DLGAP4: variants seen among roughly 807,000 people sequenced by gnomAD.
The protein encoded by DLGAP4 is DLG associated protein 4.
In DLGAP4, 18 loss-of-function variants were observed where a neutral mutation model predicts 86.9. The observed-to-expected ratio is 0.21, with a 90% CI of 0.14 to 0.31. The LOEUF (loss-of-function observed/expected upper bound fraction) is 0.31. DLGAP4 is among the 10% of genes least tolerant of loss of function. The pLI, the probability that DLGAP4 is intolerant of heterozygous loss-of-function variation, is 1.00. For synonymous variants in DLGAP4, 548 were observed against 574.3 expected, an observed-to-expected ratio of 0.95 and a Z score of 0.65; for missense variants, 1,085 against 1,362.6, an observed-to-expected ratio of 0.80 and a Z score of 3.21.
intron 2 of DLGAP4, among the ~76,000 whole-genome samples, chr20:36,369,247 A>G (rs1013398770): frequency 6.6e-6 from 1 of 152,214 alleles, no homozygotes; most frequent in African/African-American, 2.4e-5. Context: ...ACCTGGTTGA[A>G]TCACAGCAGA....
At chr20:36,417,288 A>G (rs2032682954) in intron 2 of DLGAP4, among the ~76,000 whole-genome samples, 1 of 152,162 alleles carries the variant, frequency 6.6e-6, no homozygotes, top group Non-Finnish European at 1.5e-5. Context: ...GGCAGGCAAG[A>G]GCTGGGAGCG....
intron 1 of DLGAP4, among the ~76,000 whole-genome samples, chr20:36,337,008 G>C (rs931290503): frequency 6.6e-6 from 1 of 152,170 alleles, no homozygotes; most frequent in South Asian, 2.1e-4. Flanking sequence ...AAGCAGATAC[G>C]GCGGAGGAAG....
intron 1 of DLGAP4, among the ~76,000 whole-genome samples, chr20:36,314,277 G>A (rs1465570825): frequency 6.7e-6 from 1 of 149,918 alleles, no homozygotes; most frequent in Non-Finnish European, 1.5e-5. Context: ...GAGTGCAGGC[G>A]GGGACAAGGA....
At chr20:36,360,574 G>T (rs1277500697) in intron 1 of DLGAP4, among the ~76,000 whole-genome samples, 2 of 152,096 alleles carry the variant, frequency 1.3e-5, no homozygotes, top group East Asian at 1.9e-4. Context: ...GGCTTGGGGC[G>T]TCAGGGCCAT....
chr20:36,462,651 C>A (rs1569507382), intron 7 of DLGAP4: 1 of 1,554,098 alleles, frequency 6.4e-7, no homozygotes, highest in East Asian at 2.6e-5. Flanking sequence ...AGGCTGGCCG[C>A]GGCCGAGGCT....
At chr20:36,512,240 T>C (rs943723593) in intron 10 of DLGAP4, among the ~76,000 whole-genome samples, 2 of 151,750 alleles carry the variant, frequency 1.3e-5, no homozygotes, top group South Asian at 4.2e-4. Flanking sequence ...TTAATAGAGA[T>C]GGAGTTTCAC....
At chr20:36,402,327 C>T (rs1181828296) in intron 2 of DLGAP4, among the ~76,000 whole-genome samples, 3 of 152,216 alleles carry the variant, frequency 2.0e-5, no homozygotes, top group Admixed American at 6.5e-5. Context: ...TCAGTTTCCT[C>T]CTCTATAAAA....
chr20:36,368,579 T>G (rs2030789068), intron 2 of DLGAP4, among the ~76,000 whole-genome samples: 1 of 152,188 alleles, frequency 6.6e-6, no homozygotes, highest in South Asian at 2.1e-4. Context: ...GCTCCTAGTC[T>G]GTTGTTGCGG....
intron 7 of DLGAP4, among the ~76,000 whole-genome samples, chr20:36,449,719 C>T (rs1362791103): frequency 2.0e-5 from 3 of 152,230 alleles, no homozygotes; most frequent in Non-Finnish European, 4.4e-5. Context: ...AACCATCCCT[C>T]ACCAGTTTTT....
chr20:36,392,506 G>A (rs2031817151), intron 2 of DLGAP4, among the ~76,000 whole-genome samples: 2 of 118,126 alleles, frequency 1.7e-5, no homozygotes, highest in African/African-American at 2.8e-5. Context: ...TGAGTAGCTG[G>A]GATTACAGCA....
chr20:36,387,481 T>C (rs1289219138), intron 2 of DLGAP4, among the ~76,000 whole-genome samples: 1 of 152,246 alleles, frequency 6.6e-6, no homozygotes, highest in Non-Finnish European at 1.5e-5. Context: ...GTCTTCTACA[T>C]TCAGAAGTTT....
chr20:36,352,717 C>A (rs2030199489), intron 1 of DLGAP4, among the ~76,000 whole-genome samples: 1 of 151,928 alleles, frequency 6.6e-6, no homozygotes. Context: ...GCAGGCAGTG[C>A]TGCATGGAGA....
intron 1 of DLGAP4, among the ~76,000 whole-genome samples, chr20:36,358,331 C>T (rs1264459308): frequency 6.6e-6 from 1 of 152,190 alleles, no homozygotes; most frequent in Non-Finnish European, 1.5e-5. Context: ...GATGCATGAA[C>T]CTCACTCTTA....
chr20:36,434,568 G>A (rs1427478321), intron 3 of DLGAP4, among the ~76,000 whole-genome samples: 1 of 152,178 alleles, frequency 6.6e-6, no homozygotes, highest in East Asian at 1.9e-4. Context: ...GGTGACAGGA[G>A]GTGAGTGGGT....
At chr20:36,484,853 T>C (rs747354447) in intron 7 of DLGAP4, among the ~76,000 whole-genome samples, 1 of 152,264 alleles carries the variant, frequency 6.6e-6, no homozygotes, top group Non-Finnish European at 1.5e-5. Context: ...TGCACCTGCA[T>C]TGTATTTCTT....
chr20:36,459,964 G>A (rs2033981053), intron 7 of DLGAP4, among the ~76,000 whole-genome samples: 1 of 152,200 alleles, frequency 6.6e-6, no homozygotes, highest in African/African-American at 2.4e-5. Context: ...GTCAATCACG[G>A]TCCACAGTTT....
intron 3 of DLGAP4, among the ~76,000 whole-genome samples, chr20:36,433,508 G>A (rs1390814664): frequency 3.3e-5 from 5 of 152,214 alleles, no homozygotes; most frequent in Admixed American, 3.3e-4. Context: ...TGGCTCCCCA[G>A]GGCAAAGCCA....
In DLGAP4 at chr20:36,526,937, C is replaced by T; in HGVS notation, c.2885C>T (p.Ala962Val). 14 of 1,613,720 alleles carry T rather than the reference C, an allele frequency of 8.7e-6. No individual in the cohort carries two copies. The highest frequency in any genetic ancestry group is 1.2e-5 in the Non-Finnish European group (14 of 1,179,904). Residue 962 changes from alanine to valine, a missense_variant, in exon 13 of 13, where the codon GCG becomes GTG. Transcript: ENST00000339266. The part of the protein sequence containing the change: ...QRQEARKRLL[A>V]AKRAASVRQN... ...CAGGAGGCCCGCAAGAGACTCCTGGCGGCCAAGCGGGCAGCTTCTGTGCGG... is the reference window on the plus strand; with the variant it reads ...CAGGAGGCCCGCAAGAGACTCCTGGTGGCCAAGCGGGCAGCTTCTGTGCGG...
intron 1 of DLGAP4, among the ~76,000 whole-genome samples, chr20:36,351,071 T>C (rs1351078091): frequency 6.6e-6 from 1 of 152,270 alleles, no homozygotes; most frequent in African/African-American, 2.4e-5. Context: ...TTCCAGTTCC[T>C]CTTCTGTGAA....
Sources: gnomAD v4.1 joint callset for allele counts (sites outside exome capture counted in the v4.1 genomes callset) on GRCh38, gnomAD v4.1.1 for gene constraint, MANE v1.5 for transcripts, NCBI Gene and HGNC (gene_info 2026-07-23, HGNC 2026-07-21) for gene names.